MRTFB: variants seen among roughly 807,000 people sequenced by gnomAD.
MRTFB encodes the protein myocardin-related transcription factor B.
In MRTFB, 29 loss-of-function variants were observed where a neutral mutation model predicts 104.2. That is an observed-to-expected ratio of 0.28 (90% CI 0.21 to 0.38). The LOEUF is 0.38. MRTFB is among the 10% of genes least tolerant of loss of function. The pLI, the probability that MRTFB is intolerant of heterozygous loss-of-function variation, is 1.00. For synonymous variants in MRTFB, 535 were observed against 519.5 expected, an observed-to-expected ratio of 1.03 and a Z score of -0.41; for missense variants, 1,270 against 1,341.6, an observed-to-expected ratio of 0.95 and a Z score of 0.83.
chr16:14,126,140 G>GT (rs2037097786), intron 2 of MRTFB, among the ~76,000 whole-genome samples: 1 of 151,982 alleles, frequency 6.6e-6, no homozygotes, highest in Non-Finnish European at 1.5e-5. Flanking sequence ...TGGTTACCTA[G>GT]TTTCAAGAAG....
the MRTFB span, among the ~76,000 whole-genome samples, chr16:14,033,311 C>T: frequency 4.6e-5 from 7 of 151,448 alleles, no homozygotes; most frequent in Admixed American, 2.0e-4. Flanking sequence ...TTTGGGAGGC[C>T]GAGGCAGGAG....
chr16:14,135,361 C>T (rs1000447801), intron 2 of MRTFB, among the ~76,000 whole-genome samples: 3 of 152,194 alleles, frequency 2.0e-5, no homozygotes, highest in African/African-American at 7.2e-5. Context: ...TTTATTTTTC[C>T]TGTACCTTTT....
chr16:14,169,777 C>G (rs2039363636), intron 3 of MRTFB, among the ~76,000 whole-genome samples: 1 of 152,086 alleles, frequency 6.6e-6, no homozygotes, highest in African/African-American at 2.4e-5. Flanking sequence ...GTAATTGTAG[C>G]TACTTGAGAG....
the MRTFB span, among the ~76,000 whole-genome samples, chr16:14,051,745 G>A: frequency 1.6e-4 from 25 of 152,274 alleles, no homozygotes; most frequent in South Asian, 3.5e-3. Flanking sequence ...AAGGTTCAGG[G>A]GCTCTGGAAG....
At chr16:14,107,092 T>C (rs1412381778) in intron 2 of MRTFB, among the ~76,000 whole-genome samples, 1 of 152,104 alleles carries the variant, frequency 6.6e-6, no homozygotes, top group African/African-American at 2.4e-5. Context: ...AGAGCTTAGC[T>C]GGGTATGGTG....
chr16:14,237,544 C>T (rs1203146556), intron 9 of MRTFB, among the ~76,000 whole-genome samples: 1 of 152,222 alleles, frequency 6.6e-6, no homozygotes, highest in East Asian at 1.9e-4. Context: ...TTATAGAAAG[C>T]TTTTCTTGAG....
chr16:14,017,593 GTATATATATATATATATATATATA>G, the MRTFB span, among the ~76,000 whole-genome samples: 1,725 of 58,950 alleles, frequency 0.029, 130 homozygotes, highest in African/African-American at 0.11. Context: ...ACTGACTACA[GTATATATATATATATATATATATA>G]TATATATATA....
chr16:14,073,668 G>C (rs1467649739), intron 1 of MRTFB, among the ~76,000 whole-genome samples: 3 of 152,210 alleles, frequency 2.0e-5, no homozygotes, highest in Non-Finnish European at 4.4e-5. Context: ...GTAGCAGATT[G>C]AGGTTAGAAT....
At chr16:14,251,784 G>C in intron 13 of MRTFB, 78 bp from the exon 14 acceptor site, 1 of 1,527,920 alleles carries the variant, frequency 6.5e-7, no homozygotes, top group East Asian at 2.2e-5. Context: ...GCTGACCCCT[G>C]TCCTAAAACA....
At chr16:14,199,493 A>G (rs2040587274) in intron 3 of MRTFB, among the ~76,000 whole-genome samples, 1 of 152,160 alleles carries the variant, frequency 6.6e-6, no homozygotes, top group African/African-American at 2.4e-5. Flanking sequence ...CTATTCAAAC[A>G]TGCCCAAGAC....
At chr16:14,238,009 C>T (rs1435322476) in intron 9 of MRTFB, among the ~76,000 whole-genome samples, 1 of 152,152 alleles carries the variant, frequency 6.6e-6, no homozygotes, top group Non-Finnish European at 1.5e-5. Flanking sequence ...TATGTTTTTC[C>T]TGTAGCCACT....
In MRTFB at chr16:14,162,152, CAAAAAA is replaced by C. The variant is rs376183467; in HGVS notation, c.154+21409_154+21414del. On this transcript the variant is annotated intron_variant, in intron 3 of 16. Coordinates refer to ENST00000571589, the MANE Select transcript of MRTFB (RefSeq NM_001308142.2). ...GCAACATAGGGAGACCCTGTCTCTA[CAAAAAA>C]AAAAAAAAAAAAAAAATTATTTTTT... is the stretch of plus-strand genomic sequence containing the variant. Among the ~76,000 whole-genome samples the C allele has an allele frequency of 5.8e-3, 366 of 62,704 alleles. 3 individuals are homozygous for C. The highest frequency in any genetic ancestry group is 0.015 in the African/African-American group (341 of 22,906). The allele number at this position is 62,704 out of a possible 152,430, so 41.1% of individuals were successfully genotyped here.
chr16:14,144,018 C>G (rs573646994), intron 3 of MRTFB: 8 of 152,156 alleles, frequency 5.3e-5, no homozygotes, highest in African/African-American at 1.9e-4. Flanking sequence ...TACTTTGTAA[C>G]GACACCCAAC....
chr16:14,217,435 A>T, intron 7 of MRTFB, 148 bp downstream of exon 7: 1 of 658,168 alleles, frequency 1.5e-6, no homozygotes, highest in Non-Finnish European at 2.4e-6. Flanking sequence ...TGTTACTATC[A>T]TTTCATTATG....
the MRTFB span, among the ~76,000 whole-genome samples, chr16:14,000,940 G>A: frequency 1.1e-4 from 16 of 152,232 alleles, no homozygotes; most frequent in African/African-American, 2.4e-4. Context: ...ATAAACCAAC[G>A]TAGGATTAAA....
chr16:14,052,511 A>G, the MRTFB span, among the ~76,000 whole-genome samples: 3 of 152,008 alleles, frequency 2.0e-5, no homozygotes, highest in Non-Finnish European at 2.9e-5. Context: ...GGCCGAGGCA[A>G]GCGGATCACT....
chr16:14,092,861 G>T (rs993720913), intron 2 of MRTFB: 2 of 152,148 alleles, frequency 1.3e-5, no homozygotes, highest in African/African-American at 4.8e-5. Context: ...TGAATGGAAA[G>T]GACTGGAAGT....
chr16:14,035,965 A>G, the MRTFB span, among the ~76,000 whole-genome samples: 1 of 151,268 alleles, frequency 6.6e-6, no homozygotes, highest in African/African-American at 2.4e-5. Flanking sequence ...CTTATGAGTG[A>G]GAACATGCAA....
chr16:14,213,446 C>T, intron 5 of MRTFB, 99 bp from the exon 6 acceptor site: 2 of 760,534 alleles, frequency 2.6e-6, no homozygotes, highest in Non-Finnish European at 4.2e-6. Context: ...AACACATGAC[C>T]ATAAGCGTAT....
Sources: gnomAD v4.1 joint callset for allele counts (sites outside exome capture counted in the v4.1 genomes callset) on GRCh38, gnomAD v4.1.1 for gene constraint, MANE v1.5 for transcripts, NCBI Gene and HGNC (gene_info 2026-07-23, HGNC 2026-07-21) for gene names.